SSH1: variants seen among roughly 807,000 people sequenced by gnomAD.
The protein encoded by SSH1 is protein phosphatase Slingshot homolog 1.
SSH1 carries 43 observed loss-of-function variants against 79.7 expected under a neutral mutation model. The observed-to-expected ratio is 0.54, with a 90% confidence interval of 0.42 to 0.70. The LOEUF (loss-of-function observed/expected upper bound fraction) is 0.70. Ranked by LOEUF, SSH1 falls within the 30% of genes least tolerant of loss-of-function variation. The pLI is 0.00. For missense variants in SSH1, 1,206 were observed against 1,358.8 expected, an observed-to-expected ratio of 0.89 and a Z score of 1.77; for synonymous variants, 599 against 538.3, an observed-to-expected ratio of 1.11 and a Z score of -1.56.
rs781444832 is a variant in SSH1 at position 108,792,803 on chromosome 12, C to A, written c.1376G>T (p.Arg459Leu). 1 of 1,613,614 alleles carries A rather than the reference C, an allele frequency of 6.2e-7. No individual in the cohort carries two copies. Among genetic ancestry groups the A allele is most frequent in the Non-Finnish European group, 8.5e-7 (1 of 1,180,036 alleles). The change falls in exon 14 of 15, where the codon CGT becomes CTT. Residue 459 changes from arginine (R) to leucine (L), a missense_variant. Arg to Leu is a moderately radical substitution (Grantham distance 102, BLOSUM62 -2). Coordinates refer to ENST00000326495, the MANE Select transcript of SSH1 (RefSeq NM_018984.4). ...ASKQRHNKLWRQQTDSSLQQP... is the reference protein window; with the variant it reads ...ASKQRHNKLWLQQTDSSLQQP... ...CTGGAGGCTGCTGTCTGTCTGCTGA[C>A]GCCACAGCTTGTTGTGCCGCTGTTT...
chr12:108,802,682 G>C (rs1046964098), intron 10 of SSH1, among the ~76,000 whole-genome samples: 6 of 149,340 alleles, frequency 4.0e-5, no homozygotes, highest in South Asian at 2.1e-4. Flanking sequence ...GAGTCCAGTG[G>C]GGGGGGGTCC....
In SSH1 at chr12:108,786,724, A is replaced by G. The variant is rs1368388543; in HGVS notation, c.*1264T>C. Reference sequence around the variant, plus strand: ...TTCCTAGCTCACGGGGCCACATGCCATAGTTTGCTGACCCCTGAATTCAAC... The same window carrying G: ...TTCCTAGCTCACGGGGCCACATGCCGTAGTTTGCTGACCCCTGAATTCAAC... On this transcript the variant is annotated 3_prime_UTR_variant, in exon 15 of 15. Transcript: ENST00000326495. 6.6e-6 allele frequency: 1 copy of G among 152,228 alleles called. No individual in the cohort carries two copies. The highest frequency in any genetic ancestry group is 1.5e-5 in the Non-Finnish European group (1 of 68,040). 9.4% of individuals were successfully genotyped at this position (152,228 alleles called of 1,614,324 possible). A position where few individuals can be genotyped will look rare whatever the true frequency, so the allele number is the denominator to read the frequency against.
chr12:108,799,738 C>T (rs753837793), intron 12 of SSH1, among the ~76,000 whole-genome samples: 37 of 152,004 alleles, frequency 2.4e-4, no homozygotes, highest in African/African-American at 7.5e-4. Flanking sequence ...GGAGTAAGGG[C>T]GGCCGCAAAA....
intron 2 of SSH1, 128 bp downstream of exon 2, chr12:108,852,510 G>A (rs752780575): frequency 3.9e-5 from 43 of 1,104,452 alleles, no homozygotes; most frequent in Middle Eastern, 3.9e-4. Flanking sequence ...AATTACAGGC[G>A]TGACCCACCG....
At chr12:108,837,437 G>A (rs760476859) in intron 2 of SSH1, among the ~76,000 whole-genome samples, 1 of 152,186 alleles carries the variant, frequency 6.6e-6, no homozygotes, top group Non-Finnish European at 1.5e-5. Context: ...ATGCATCAGA[G>A]TCAGTGTCCC....
intron 5 of SSH1, 109 bp from the exon 6 acceptor site, chr12:108,811,437 A>G (rs1470924199): frequency 1.1e-6 from 1 of 946,108 alleles, no homozygotes; most frequent in South Asian, 1.3e-5. Context: ...TACGTGTGGG[A>G]GTAGGCTGTC....
rs192967496 is a variant in SSH1 at position 108,856,809 on chromosome 12, C to A, written c.69+619G>T. 9.2e-5 allele frequency among the ~76,000 whole-genome samples: 14 copies of A among 152,312 alleles called. No homozygotes were observed. In the East Asian group the frequency reaches 2.7e-3, roughly 29 times the overall value. On this transcript the variant is annotated intron_variant, in intron 1 of 14. Coordinates refer to ENST00000326495, the MANE Select transcript of SSH1 (RefSeq NM_018984.4). ...ACAGGCAAAGGGCCTAGAACTACCC[C>A]GGCCACAGGTCTCAGAACCAGCGGC...
chr12:108,813,750 A>AGGGGG (rs2037744135), intron 5 of SSH1, among the ~76,000 whole-genome samples: 1 of 10,790 alleles, frequency 9.3e-5, no homozygotes, highest in Non-Finnish European at 1.8e-4. Flanking sequence ...AGGGAAGGGG[A>AGGGGG]GGGGAGGGGA....
intron 1 of SSH1, chr12:108,852,992 T>C: frequency 1.0e-6 from 1 of 985,398 alleles, no homozygotes; most frequent in Non-Finnish European, 1.2e-6. Context: ...GCCCTCAACT[T>C]TCCGAGGTTG....
intron 13 of SSH1, among the ~76,000 whole-genome samples, chr12:108,795,305 T>G (rs1281062726): frequency 6.6e-6 from 1 of 152,104 alleles, no homozygotes; most frequent in African/African-American, 2.4e-5. Flanking sequence ...TCACCCAGGC[T>G]GGGGTGCAGT....
At chr12:108,812,524 G>A (rs1478826079) in intron 5 of SSH1, among the ~76,000 whole-genome samples, 1 of 152,240 alleles carries the variant, frequency 6.6e-6, no homozygotes, top group Admixed American at 6.5e-5. Flanking sequence ...CCAGGCCTAG[G>A]CCAGGGGCGG....
intron 10 of SSH1, among the ~76,000 whole-genome samples, chr12:108,804,489 C>A (rs2037175717): frequency 6.6e-6 from 1 of 152,184 alleles, no homozygotes; most frequent in African/African-American, 2.4e-5. Context: ...TGGAGGTGCA[C>A]AGAAATCAGT....
chr12:108,851,944 C>T (rs2039048113), intron 2 of SSH1, among the ~76,000 whole-genome samples: 1 of 151,944 alleles, frequency 6.6e-6, no homozygotes, highest in African/African-American at 2.4e-5. Flanking sequence ...CACAGTAGCT[C>T]ATGACTGTAA....
chr12:108,844,441 G>A (rs1390237035), intron 2 of SSH1, among the ~76,000 whole-genome samples: 3 of 152,242 alleles, frequency 2.0e-5, no homozygotes, highest in East Asian at 1.9e-4. Flanking sequence ...CTCGCTCCCC[G>A]TGTTTCTGGT....
intron 5 of SSH1, among the ~76,000 whole-genome samples, chr12:108,813,989 C>T (rs1252328266): frequency 2.0e-5 from 3 of 151,920 alleles, no homozygotes; most frequent in Non-Finnish European, 2.9e-5. Context: ...TATGGGAGGC[C>T]GAGGAGGGTG....
intron 5 of SSH1, among the ~76,000 whole-genome samples, chr12:108,815,438 G>A (rs373619580): frequency 1.3e-5 from 2 of 152,216 alleles, no homozygotes; most frequent in South Asian, 2.1e-4. Context: ...ATTTCCGTTC[G>A]GGATCAGAAA....
Position 108,798,982 on chromosome 12 carries a change from C to G in SSH1, c.1349+18G>C. Reference sequence around the variant, plus strand: ...TCCAGCTCCGCCTGCCAACCCTTCTCTCCAGGCAGGCACCCACCTTGCATC... The same window carrying G: ...TCCAGCTCCGCCTGCCAACCCTTCTGTCCAGGCAGGCACCCACCTTGCATC... On this transcript the variant is annotated intron_variant, in intron 13 of 14. Coordinates refer to ENST00000326495, the MANE Select transcript of SSH1 (RefSeq NM_018984.4). 1 of 1,610,704 alleles carries G rather than the reference C, an allele frequency of 6.2e-7. No homozygotes were observed. Among genetic ancestry groups the G allele is most frequent in the South Asian group, 1.1e-5 (1 of 91,022 alleles).
intron 13 of SSH1, among the ~76,000 whole-genome samples, chr12:108,798,731 A>G (rs1013344920): frequency 1.3e-5 from 2 of 152,220 alleles, no homozygotes; most frequent in African/African-American, 4.8e-5. Context: ...TTGGCTTAGA[A>G]CCTAGGCACC....
At chr12:108,853,439 T>C in intron 1 of SSH1, 2 of 785,630 alleles carry the variant, frequency 2.5e-6, no homozygotes, top group Non-Finnish European at 3.1e-6. Context: ...ATGTTTTTTA[T>C]GTTGCACAGA....
Sources: allele counts gnomAD v4.1 joint callset (sites outside exome capture counted in the v4.1 genomes callset), GRCh38; gene constraint gnomAD v4.1.1; transcripts MANE v1.5; gene names NCBI Gene and HGNC (gene_info 2026-07-23, HGNC 2026-07-21).